Variants in USH2A observed in about 807,000 individuals in gnomAD.
USH2A encodes usherin, also known as Usher syndrome 2A (autosomal recessive, mild).
A neutral mutation model predicts 538.9 loss-of-function variants in USH2A; 443 were observed. The ratio of observed to expected loss-of-function variants is 0.82; its 90% CI spans 0.76 to 0.89. The LOEUF is 0.89. Among genes scored for constraint, USH2A ranks in the 40% least tolerant of loss-of-function variants. The probability of loss-of-function intolerance (pLI) is 0.00; values close to 1 mark genes in which losing one functional copy is unlikely to be tolerated. For synonymous variants in USH2A, 2,413 were observed against 2,273.5 expected (o/e 1.06, Z -1.75); for missense variants, 6,633 against 6,324.8 (o/e 1.05, Z -1.65).
At chr1:215,814,244 A>C (rs1048761700) in intron 48 of USH2A, among the ~76,000 whole-genome samples, 1 of 147,064 alleles carries the variant, frequency 6.8e-6, no homozygotes, top group Non-Finnish European at 1.5e-5. Context: ...TAAGATGTAT[A>C]TCTTATATCT....
chr1:216,120,601 G>A (rs2033116764), intron 21 of USH2A, among the ~76,000 whole-genome samples: 1 of 151,642 alleles, frequency 6.6e-6, no homozygotes, highest in Admixed American at 6.6e-5. Context: ...GGCTGGTCTC[G>A]AACTCCTGAC....
chr1:215,829,594 T>C (rs1053749740), intron 47 of USH2A, among the ~76,000 whole-genome samples: 3 of 152,208 alleles, frequency 2.0e-5, no homozygotes, highest in Non-Finnish European at 4.4e-5. Flanking sequence ...ATGAAAGATT[T>C]TTTAAAACCA....
intron 30 of USH2A, among the ~76,000 whole-genome samples, chr1:216,054,843 G>C (rs1239794834): frequency 6.6e-6 from 1 of 152,168 alleles, no homozygotes; most frequent in Non-Finnish European, 1.5e-5. Context: ...ATGTCACCCA[G>C]CTTTTAATTC....
intron 61 of USH2A, among the ~76,000 whole-genome samples, chr1:215,705,291 T>C (rs1287115667): frequency 6.6e-6 from 1 of 152,240 alleles, no homozygotes; most frequent in African/African-American, 2.4e-5. Context: ...AAGTTTTATA[T>C]GAAGTGACTG....
intron 32 of USH2A, among the ~76,000 whole-genome samples, chr1:216,023,862 C>T (rs1668902608): frequency 1.3e-5 from 2 of 151,770 alleles, no homozygotes; most frequent in South Asian, 4.2e-4. Flanking sequence ...GGTTGGGGTG[C>T]AGATGTATGC....
intron 60 of USH2A, among the ~76,000 whole-genome samples, chr1:215,739,246 AG>A (rs1660237064): frequency 6.6e-6 from 1 of 152,222 alleles, no homozygotes; most frequent in Non-Finnish European, 1.5e-5. Context: ...TGAGTCTGCT[AG>A]GCAGTAACAC....
In USH2A at chr1:216,422,485, A is replaced by G. The variant is rs1285805197; in HGVS notation, c.-149T>C. 2 of 1,158,256 alleles carry G rather than the reference A, an allele frequency of 1.7e-6. No homozygotes were observed. Among genetic ancestry groups the G allele is most frequent in the Non-Finnish European group, 2.4e-6 (2 of 816,810 alleles). The allele number at this position is 1,158,256 out of a possible 1,614,324, so 71.7% of individuals were successfully genotyped here. ...GAAACTGCAGACACGTTCTCAGAGT[A>G]AGGTAATACCAACGACGTTCTTAGC... is the stretch of plus-strand genomic sequence containing the variant. On this transcript the variant is annotated 5_prime_UTR_variant, in exon 2 of 72. Coordinates refer to ENST00000307340, the MANE Select transcript of USH2A (RefSeq NM_206933.4).
At chr1:216,167,638 C>T (rs1017757966) in intron 21 of USH2A, among the ~76,000 whole-genome samples, 1 of 152,108 alleles carries the variant, frequency 6.6e-6, no homozygotes, top group African/African-American at 2.4e-5. Context: ...ACCTCGGAAG[C>T]ATGCCATTAT....
intron 61 of USH2A, among the ~76,000 whole-genome samples, chr1:215,710,066 G>A (rs1022127997): frequency 6.6e-6 from 1 of 152,204 alleles, no homozygotes; most frequent in Non-Finnish European, 1.5e-5. Context: ...GCTGTATTGG[G>A]AAGGAATCAA....
At chr1:215,768,126 T>G (rs1462241967) in intron 55 of USH2A, among the ~76,000 whole-genome samples, 1 of 152,178 alleles carries the variant, frequency 6.6e-6, no homozygotes, top group Non-Finnish European at 1.5e-5. Context: ...TACTACATTT[T>G]AAAAAATTTT....
intron 67 of USH2A, among the ~76,000 whole-genome samples, chr1:215,644,971 G>A (rs948317238): frequency 6.6e-6 from 1 of 152,218 alleles, no homozygotes; most frequent in African/African-American, 2.4e-5. Context: ...GGTGAGTAAT[G>A]AAGTGGATGA....
At chr1:216,362,226 C>A (rs1189919093) in intron 4 of USH2A, among the ~76,000 whole-genome samples, 2 of 151,926 alleles carry the variant, frequency 1.3e-5, no homozygotes, top group South Asian at 4.1e-4. Flanking sequence ...ATATTCTTAA[C>A]ATAAATGAGT....
At chr1:216,177,863 A>C (rs921511328) in intron 20 of USH2A, among the ~76,000 whole-genome samples, 1 of 152,012 alleles carries the variant, frequency 6.6e-6, no homozygotes, top group South Asian at 2.1e-4. Context: ...TGGATTTGAG[A>C]GGTGAATGTG....
intron 4 of USH2A, among the ~76,000 whole-genome samples, chr1:216,335,804 G>T (rs75161179): frequency 6.6e-6 from 1 of 151,484 alleles, no homozygotes; most frequent in African/African-American, 2.4e-5. Context: ...ACAAAGAAAA[G>T]CTTAGGACCA....
intron 58 of USH2A, among the ~76,000 whole-genome samples, chr1:215,750,649 A>C (rs1660598682): frequency 6.6e-6 from 1 of 152,218 alleles, no homozygotes; most frequent in East Asian, 1.9e-4. Context: ...ACTCATGAAA[A>C]ATCATTTGCT....
At chr1:215,821,129 G>A (rs1235234148) in intron 47 of USH2A, among the ~76,000 whole-genome samples, 1 of 151,692 alleles carries the variant, frequency 6.6e-6, no homozygotes, top group Non-Finnish European at 1.5e-5. Context: ...ACATTATACA[G>A]TAGTTCAATT....
At chr1:215,855,651 T>C (rs1218364916) in intron 44 of USH2A, among the ~76,000 whole-genome samples, 1 of 152,016 alleles carries the variant, frequency 6.6e-6, no homozygotes, top group Non-Finnish European at 1.5e-5. Flanking sequence ...CCCATCAAAA[T>C]ACCACCATCA....
At chr1:216,260,504 A>G (rs2036349873) in intron 11 of USH2A, among the ~76,000 whole-genome samples, 1 of 152,198 alleles carries the variant, frequency 6.6e-6, no homozygotes, top group Non-Finnish European at 1.5e-5. Flanking sequence ...GGCATGTAGT[A>G]TACTGATATG....
At chr1:215,716,255 A>G (rs1659482388) in intron 61 of USH2A, among the ~76,000 whole-genome samples, 1 of 152,238 alleles carries the variant, frequency 6.6e-6, no homozygotes, top group Non-Finnish European at 1.5e-5. Context: ...AACTGAGCCC[A>G]ATTAATTTTT....
Sources: gnomAD v4.1 joint callset for allele counts (sites outside exome capture counted in the v4.1 genomes callset) on GRCh38, gnomAD v4.1.1 for gene constraint, MANE v1.5 for transcripts, NCBI Gene and HGNC (gene_info 2026-07-23, HGNC 2026-07-21) for gene names.